The following RAB11FIP1 variants were observed in gnomAD, a reference collection of about 807,000 sequenced individuals.
RAB11FIP1 encodes rab11 family-interacting protein 1.
Under a neutral mutation model 83.1 loss-of-function variants are expected in RAB11FIP1, and 49 were observed. That is an observed-to-expected ratio of 0.59 (90% CI 0.47 to 0.75). The LOEUF (loss-of-function observed/expected upper bound fraction) is 0.75, where lower values mean the gene tolerates loss of function less well. Among genes scored for constraint, RAB11FIP1 ranks in the 30% least tolerant of loss-of-function variants. RAB11FIP1 has a pLI of 0.00. For synonymous variants in RAB11FIP1, 670 were observed against 656.0 expected, an observed-to-expected ratio of 1.02 and a Z score of -0.33; for missense variants, 1,536 against 1,598.7, an observed-to-expected ratio of 0.96 and a Z score of 0.67.
chr8:37,864,180 C>G (rs1806298490), intron 5 of RAB11FIP1, among the ~76,000 whole-genome samples: 1 of 152,242 alleles, frequency 6.6e-6, no homozygotes, highest in Non-Finnish European at 1.5e-5. Context: ...CGGCCTGTCC[C>G]AGAGCTGAGT....
intron 3 of RAB11FIP1, chr8:37,873,417 C>A (rs1013630429): frequency 4.7e-5 from 20 of 422,810 alleles, no homozygotes; most frequent in Non-Finnish European, 7.6e-5. Context: ...CCAGCCCAGC[C>A]AACATGGTGA....
At chr8:37,892,897 T>C in intron 1 of RAB11FIP1, among the ~76,000 whole-genome samples, 1 of 152,144 alleles carries the variant, frequency 6.6e-6, no homozygotes, top group East Asian at 1.9e-4. Context: ...CAGGCCCCCT[T>C]CCTCCACTCC....
intron 1 of RAB11FIP1, among the ~76,000 whole-genome samples, chr8:37,887,764 G>A (rs1225373347): frequency 1.3e-5 from 2 of 152,142 alleles, no homozygotes; most frequent in Admixed American, 1.3e-4. Context: ...TATGCAAAGT[G>A]CTTAGAACAG....
intron 1 of RAB11FIP1, among the ~76,000 whole-genome samples, chr8:37,890,565 T>C (rs1287720539): frequency 6.6e-6 from 1 of 152,168 alleles, no homozygotes; most frequent in African/African-American, 2.4e-5. Context: ...GAGAGGAATT[T>C]CTGTCTCATT....
intron 1 of RAB11FIP1, among the ~76,000 whole-genome samples, chr8:37,883,553 A>G (rs778850392): frequency 6.6e-6 from 1 of 152,266 alleles, no homozygotes; most frequent in Non-Finnish European, 1.5e-5. Context: ...GCATACTTTG[A>G]TAAGACAGTG....
chr8:37,894,305 C>T (rs1021188854), intron 1 of RAB11FIP1, among the ~76,000 whole-genome samples: 1 of 151,976 alleles, frequency 6.6e-6, no homozygotes, highest in African/African-American at 2.4e-5. Flanking sequence ...TTTCTGCATC[C>T]AACTCTCCCA....
At chr8:37,878,374 A>T (rs188673095) in intron 1 of RAB11FIP1, among the ~76,000 whole-genome samples, 2,239 of 151,364 alleles carry the variant, frequency 0.015, 26 homozygotes, top group Non-Finnish European at 0.021. Context: ...CTCTACTAAA[A>T]ATATAAAAAA....
chr8:37,879,065 T>C (rs766442389), intron 1 of RAB11FIP1, among the ~76,000 whole-genome samples: 3 of 152,214 alleles, frequency 2.0e-5, no homozygotes, highest in Non-Finnish European at 4.4e-5. Context: ...ACCAGTACTT[T>C]GGGAGGCCGA....
intron 1 of RAB11FIP1, among the ~76,000 whole-genome samples, chr8:37,889,043 C>T (rs545566676): frequency 7.3e-5 from 11 of 151,592 alleles, no homozygotes; most frequent in Non-Finnish European, 1.0e-4. Context: ...GTGATCTGCC[C>T]GCCTCGGCCT....
intron 2 of RAB11FIP1, 114 bp from the exon 3 acceptor site, chr8:37,875,436 G>A (rs1806588116): frequency 1.3e-6 from 1 of 754,268 alleles, no homozygotes; most frequent in Non-Finnish European, 2.2e-6. Flanking sequence ...TGGAGGGGGT[G>A]TGCTGCTATT....
intron 1 of RAB11FIP1, among the ~76,000 whole-genome samples, chr8:37,897,506 G>T (rs1365346700): frequency 6.7e-6 from 1 of 149,242 alleles, no homozygotes; most frequent in Non-Finnish European, 1.5e-5. Flanking sequence ...ATAATCGAAC[G>T]TTCCTTTGGG....
intron 1 of RAB11FIP1, among the ~76,000 whole-genome samples, chr8:37,884,674 G>T (rs1411277589): frequency 6.6e-6 from 1 of 151,996 alleles, no homozygotes; most frequent in Non-Finnish European, 1.5e-5. Flanking sequence ...TCAGCCTCCA[G>T]AGTAGTTGGT....
Position 37,860,401 on chromosome 8 carries a change from A to C in RAB11FIP1, c.*2494T>G, listed in dbSNP as rs1292795332. ...CCGTTGCCCAGGCTGGAGTGCAATG[A>C]TGTGATCTCAGCTCACTGCAACCTC... On this transcript the variant is annotated 3_prime_UTR_variant, in exon 6 of 6. Coordinates refer to ENST00000330843, the MANE Select transcript of RAB11FIP1 (RefSeq NM_001002814.3). The C allele has an allele frequency of 6.6e-6, 1 of 152,326 alleles. No individual in the cohort carries two copies. The highest frequency in any genetic ancestry group is 2.4e-5 in the African/African-American group (1 of 41,424). 9.4% of individuals were successfully genotyped at this position (152,326 alleles called of 1,614,324 possible). A position where few individuals can be genotyped will look rare whatever the true frequency, so the allele number is the denominator to read the frequency against.
At chr8:37,898,105 C>T (rs1195547115) in intron 1 of RAB11FIP1, among the ~76,000 whole-genome samples, 1 of 152,236 alleles carries the variant, frequency 6.6e-6, no homozygotes, top group Non-Finnish European at 1.5e-5. Flanking sequence ...GTATCAGACA[C>T]GGGCTACCAC....
At chr8:37,893,221 C>T (rs982195302) in intron 1 of RAB11FIP1, among the ~76,000 whole-genome samples, 1 of 151,850 alleles carries the variant, frequency 6.6e-6, no homozygotes, top group African/African-American at 2.4e-5. Context: ...ATTACAGGTG[C>T]ACACGACCAC....
chr8:37,864,505 T>C (rs1237146589), intron 5 of RAB11FIP1, among the ~76,000 whole-genome samples: 1 of 152,114 alleles, frequency 6.6e-6, no homozygotes, highest in African/African-American at 2.4e-5. Context: ...GACTACCTTC[T>C]CCAAGAATCA....
Position 37,872,169 on chromosome 8 carries a change from G to C in RAB11FIP1, c.2633C>G (p.Pro878Arg). ...TTPGPATCGA[P>R]ASPADHLLLP... ...GAGGAGGTGATCCGCTGGGGAGGCT[G>C]GCGCACCACACGTCGCTGGCCCAGG... Residue 878 changes from proline to arginine, a missense_variant, in exon 4 of 6, where the codon CCA becomes CGA. Transcript: ENST00000330843. 6.2e-7 allele frequency: 1 copy of C among 1,614,014 alleles called. No homozygotes were observed. The highest frequency in any genetic ancestry group is 2.2e-5 in the East Asian group (1 of 44,858).
rs182314147 is a variant in RAB11FIP1 at position 37,861,662 on chromosome 8, C to T, written c.*1233G>A. 532 of 416,966 alleles carry T rather than the reference C, an allele frequency of 1.3e-3. 2 individuals are homozygous for T. The highest frequency in any genetic ancestry group is 0.01 in the African/African-American group (477 of 47,354). 25.8% of individuals were successfully genotyped at this position (416,966 alleles called of 1,614,324 possible). ...GGAGTGCAGTGGCACGATCTTGGCT[C>T]GCTGCAGCCTCCATCTCCCAAGTTC... On this transcript the variant is annotated 3_prime_UTR_variant, in exon 6 of 6. Coordinates refer to ENST00000330843, the MANE Select transcript of RAB11FIP1 (RefSeq NM_001002814.3).
rs185280495 is a variant in RAB11FIP1, at chr8:37,866,204, G to A, written c.3634-3091C>T. Among the ~76,000 whole-genome samples the A allele has an allele frequency of 7.6e-3, 1,152 of 151,962 alleles. 16 individuals carry two copies. Among genetic ancestry groups the A allele is most frequent in the African/African-American group, 0.026 (1,096 of 41,432 alleles). The stretch of plus-strand genomic sequence containing the variant: ...CAAAAAATTATCCAGGCATGGTGGC[G>A]GGCACCTGTAGTCCCAGCTACTCGG... On this transcript the variant is annotated intron_variant, in intron 5 of 5. Coordinates refer to ENST00000330843, the MANE Select transcript of RAB11FIP1 (RefSeq NM_001002814.3).
Sources: gnomAD v4.1 joint callset for allele counts (sites outside exome capture counted in the v4.1 genomes callset) on GRCh38, gnomAD v4.1.1 for gene constraint, MANE v1.5 for transcripts, NCBI Gene and HGNC (gene_info 2026-07-23, HGNC 2026-07-21) for gene names.